Variants in BTRC observed in about 807,000 individuals in gnomAD.
BTRC encodes the protein F-box/WD repeat-containing protein 1A.
In BTRC, 42 loss-of-function variants were observed where a neutral mutation model predicts 85.5. The ratio of observed to expected loss-of-function variants is 0.49; its 90% confidence interval spans 0.38 to 0.64. The LOEUF (loss-of-function observed/expected upper bound fraction) is 0.64, where lower values mean the gene tolerates loss of function less well. Ranked by LOEUF, BTRC falls within the 30% of genes least tolerant of loss-of-function variation. The pLI, the probability that BTRC is intolerant of heterozygous loss-of-function variation, is 0.00. For synonymous variants in BTRC, 255 were observed against 263.3 expected (o/e 0.97, Z 0.30); for missense variants, 594 against 743.5 (o/e 0.80, Z 2.34).
chr10:101,368,477 T>C lies in BTRC; in HGVS notation c.48+14249T>C, dbSNP rs955672843. On this transcript the variant is annotated intron_variant, in intron 1 of 14. Transcript: ENST00000370187. ...GCAACTGTTTTTCTTTTTTTTTTTTTTTTTTTTTTTTTTTTTTTTAGAGAC... is the reference window on the plus strand; with the variant it reads ...GCAACTGTTTTTCTTTTTTTTTTTTCTTTTTTTTTTTTTTTTTTTAGAGAC... Among the ~76,000 whole-genome samples, 32 of 134,166 alleles carry C rather than the reference T, an allele frequency of 2.4e-4. 1 individual carries two copies. The highest frequency in any genetic ancestry group is 1.0e-3 in the Admixed American group (14 of 13,374). The allele number at this position is 134,166 out of a possible 152,430, so 88.0% of individuals were successfully genotyped here. A position where few individuals can be genotyped will look rare whatever the true frequency, so the allele number is the denominator to read the frequency against.
intron 1 of BTRC, among the ~76,000 whole-genome samples, chr10:101,367,649 A>G (rs1942507792): frequency 6.6e-6 from 1 of 152,112 alleles, no homozygotes; most frequent in South Asian, 2.1e-4. Flanking sequence ...TAATATCTGT[A>G]GATTAGTTTT....
At chr10:101,442,952 G>A (rs1055815702) in intron 2 of BTRC, among the ~76,000 whole-genome samples, 1 of 148,358 alleles carries the variant, frequency 6.7e-6, no homozygotes, top group African/African-American at 2.5e-5. Flanking sequence ...TGCCATCTCG[G>A]CTCACTGCAA....
intron 4 of BTRC, among the ~76,000 whole-genome samples, chr10:101,514,119 AT>A (rs1212231965): frequency 6.6e-6 from 1 of 152,132 alleles, no homozygotes; most frequent in African/African-American, 2.4e-5. Flanking sequence ...ATAAAACAGG[AT>A]TTTTTAAAAA....
intron 2 of BTRC, among the ~76,000 whole-genome samples, chr10:101,436,134 G>T (rs1171463573): frequency 1.3e-5 from 2 of 152,090 alleles, no homozygotes; most frequent in Non-Finnish European, 2.9e-5. Flanking sequence ...ATTTATCCTG[G>T]AAAGTGTATG....
chr10:101,512,935 G>A (rs998684537), intron 4 of BTRC, among the ~76,000 whole-genome samples: 1 of 152,206 alleles, frequency 6.6e-6, no homozygotes, highest in Non-Finnish European at 1.5e-5. Flanking sequence ...AGCTTTCCAA[G>A]ACACTTGAAC....
At position 101,383,783 on chromosome 10, in the gene BTRC, G is replaced by A. The variant is rs142327827; in HGVS notation, c.48+29555G>A. On this transcript the variant is annotated intron_variant, in intron 1 of 14. Transcript: ENST00000370187. The stretch of plus-strand genomic sequence containing the variant: ...TTTTGATGAATGTTGGGAAAATTTT[G>A]GCAATTGGCTAAATTACTGAATAGG... Among the ~76,000 whole-genome samples the A allele has an allele frequency of 2.0e-5, 3 of 152,234 alleles. No homozygotes were observed. The East Asian group carries it at 5.8e-4, about 29-fold the overall frequency.
At chr10:101,430,210 T>C in intron 1 of BTRC, 135 bp from the exon 2 acceptor site, 1 of 527,526 alleles carries the variant, frequency 1.9e-6, no homozygotes, top group Non-Finnish European at 3.3e-6. Context: ...GTAAGTAGTG[T>C]GTTTCTTAAA....
chr10:101,508,537 T>G (rs1946600388), intron 4 of BTRC, among the ~76,000 whole-genome samples: 1 of 152,174 alleles, frequency 6.6e-6, no homozygotes, highest in Non-Finnish European at 1.5e-5. Context: ...TACCATTTTC[T>G]TTTCATTTGC....
chr10:101,549,602 T>C (rs1274671114), intron 13 of BTRC, among the ~76,000 whole-genome samples: 1 of 150,440 alleles, frequency 6.6e-6, no homozygotes, highest in Non-Finnish European at 1.5e-5. Context: ...TAGTCCCAGC[T>C]ACTCGGGAGG....
chr10:101,544,951 G>A (rs995389185), intron 13 of BTRC, among the ~76,000 whole-genome samples: 1 of 151,908 alleles, frequency 6.6e-6, no homozygotes, highest in Admixed American at 6.6e-5. Flanking sequence ...CTTTTGGGTG[G>A]CTGAGGTGTG....
At chr10:101,457,177 C>T (rs984974426) in intron 2 of BTRC, among the ~76,000 whole-genome samples, 1 of 152,232 alleles carries the variant, frequency 6.6e-6, no homozygotes, top group Non-Finnish European at 1.5e-5. Context: ...TCTTACTGTA[C>T]TGTACTCACC....
At chr10:101,359,813 T>G (rs1286289914) in intron 1 of BTRC, among the ~76,000 whole-genome samples, 1 of 152,132 alleles carries the variant, frequency 6.6e-6, no homozygotes, top group Admixed American at 6.5e-5. Context: ...TTGGTCAGGC[T>G]GGTCTCGAAC....
intron 4 of BTRC, among the ~76,000 whole-genome samples, chr10:101,504,817 A>G (rs556635876): frequency 8.3e-4 from 126 of 152,048 alleles, no homozygotes; most frequent in Non-Finnish European, 1.6e-3. Context: ...TGACTTCTCT[A>G]ACAGCAAAGA....
At chr10:101,533,497 C>T (rs996210293) in intron 9 of BTRC, among the ~76,000 whole-genome samples, 2 of 152,118 alleles carry the variant, frequency 1.3e-5, no homozygotes, top group Non-Finnish European at 2.9e-5. Context: ...CCTCCCCTGC[C>T]ATCCCTGCAG....
In BTRC at chr10:101,550,909, G is replaced by A; in HGVS notation, c.*31+18G>A. 2 of 1,571,240 alleles carry A rather than the reference G, an allele frequency of 1.3e-6. No homozygotes were observed. Among genetic ancestry groups the A allele is most frequent in the South Asian group, 1.1e-5 (1 of 87,766 alleles). Reference sequence around the variant, plus strand: ...TTGCCCAGGTATCGAAATCGATTATGTACATAACACTGTGGGTAGGAGACG... The same window carrying A: ...TTGCCCAGGTATCGAAATCGATTATATACATAACACTGTGGGTAGGAGACG... On this transcript the variant is annotated intron_variant, in intron 14 of 14. Coordinates refer to ENST00000370187, the MANE Select transcript of BTRC (RefSeq NM_033637.4).
intron 1 of BTRC, among the ~76,000 whole-genome samples, chr10:101,370,177 G>A (rs796866926): frequency 1.1e-4 from 17 of 152,266 alleles, no homozygotes; most frequent in African/African-American, 3.8e-4. Flanking sequence ...CAGTGCAGTG[G>A]CACAATCACA....
intron 2 of BTRC, among the ~76,000 whole-genome samples, chr10:101,436,055 A>C (rs75610089): frequency 0.023 from 3,447 of 152,288 alleles, 57 homozygotes; most frequent in South Asian, 0.06. Flanking sequence ...ATGCTGAAAA[A>C]AGTTGTTAGA....
chr10:101,392,502 T>A (rs1943261076), intron 1 of BTRC, among the ~76,000 whole-genome samples: 1 of 152,168 alleles, frequency 6.6e-6, no homozygotes, highest in Admixed American at 6.5e-5. Context: ...TTGTTGTTGT[T>A]GTTTTCTTTT....
intron 4 of BTRC, among the ~76,000 whole-genome samples, chr10:101,511,787 A>G (rs1168099905): frequency 6.6e-6 from 1 of 152,156 alleles, no homozygotes; most frequent in Non-Finnish European, 1.5e-5. Flanking sequence ...TTGGCCTTCC[A>G]AAGTGCTGGG....
Sources: allele counts gnomAD v4.1 joint callset (sites outside exome capture counted in the v4.1 genomes callset), GRCh38; gene constraint gnomAD v4.1.1; transcripts MANE v1.5; gene names NCBI Gene and HGNC (gene_info 2026-07-23, HGNC 2026-07-21).